FCHSD2: variants seen among roughly 807,000 people sequenced by gnomAD.
The protein encoded by FCHSD2 is FCH and double SH3 domains 2.
In FCHSD2, 38 loss-of-function variants were observed where a neutral mutation model predicts 108.1. That is an observed-to-expected ratio of 0.35 (90% CI 0.27 to 0.46). The LOEUF is 0.46. FCHSD2 is among the 20% of genes least tolerant of loss of function. FCHSD2 has a pLI of 1.00. For synonymous variants in FCHSD2, 279 were observed against 314.7 expected, an observed-to-expected ratio of 0.89 and a Z score of 1.20; for missense variants, 751 against 897.8, an observed-to-expected ratio of 0.84 and a Z score of 2.09.
chr11:72,924,673 A>C (rs1402803241), intron 8 of FCHSD2, among the ~76,000 whole-genome samples: 3 of 149,038 alleles, frequency 2.0e-5, no homozygotes, highest in Non-Finnish European at 4.5e-5. Context: ...TGGCTGTTCC[A>C]TTAAACTTTT....
At chr11:73,025,231 A>G (rs531379271) in intron 3 of FCHSD2, among the ~76,000 whole-genome samples, 1 of 152,362 alleles carries the variant, frequency 6.6e-6, no homozygotes, top group South Asian at 2.1e-4. Context: ...AAGACATGGA[A>G]TCAACCTAAA....
chr11:73,037,751 G>T (rs1428891111), intron 3 of FCHSD2, among the ~76,000 whole-genome samples: 1 of 151,978 alleles, frequency 6.6e-6, no homozygotes, highest in African/African-American at 2.4e-5. Context: ...TTGTCAAATG[G>T]GTTTTACATT....
intron 3 of FCHSD2, among the ~76,000 whole-genome samples, chr11:73,068,823 A>AC (rs1859360651): frequency 6.7e-6 from 1 of 149,944 alleles, no homozygotes; most frequent in African/African-American, 2.4e-5. Flanking sequence ...TAAAAAAAAA[A>AC]AAAAAAAAAG....
intron 10 of FCHSD2, among the ~76,000 whole-genome samples, chr11:72,896,824 T>TTGTTC (rs1456279988): frequency 2.0e-5 from 3 of 151,070 alleles, no homozygotes; most frequent in African/African-American, 7.3e-5. Context: ...GATTTTTGTT[T>TTGTTC]TGTTTTGTTT....
At chr11:72,978,581 C>G (rs1857152157) in intron 8 of FCHSD2, among the ~76,000 whole-genome samples, 1 of 152,092 alleles carries the variant, frequency 6.6e-6, no homozygotes, top group African/African-American at 2.4e-5. Flanking sequence ...CCCCATATAT[C>G]GGGGGAGGGT....
Position 72,867,846 on chromosome 11 carries a change from C to T in FCHSD2, c.1308+19G>A. 1 of 1,602,542 alleles carries T rather than the reference C, an allele frequency of 6.2e-7. No homozygotes were observed. Among genetic ancestry groups the T allele is most frequent in the Non-Finnish European group, 8.5e-7 (1 of 1,173,300 alleles). On this transcript the variant is annotated intron_variant, in intron 13 of 19. Coordinates refer to ENST00000409418, the MANE Select transcript of FCHSD2 (RefSeq NM_014824.3). ...TTCAGTGAAAATCAACTTGTCATATCCAAGAAAAGAAATCGTACCGAGTGT... is the reference window on the plus strand; with the variant it reads ...TTCAGTGAAAATCAACTTGTCATATTCAAGAAAAGAAATCGTACCGAGTGT...
intron 2 of FCHSD2, among the ~76,000 whole-genome samples, chr11:73,132,824 G>GA (rs35412486): frequency 0.73 from 81,295 of 110,962 alleles, 28,598 homozygotes; most frequent in South Asian, 0.84. Flanking sequence ...AACGGTAACA[G>GA]AAAAAAAAAA....
intron 8 of FCHSD2, chr11:72,940,429 A>G: frequency 1.6e-6 from 1 of 613,484 alleles, no homozygotes. Context: ...GGTTAGTATA[A>G]TATGTGGCAA....
intron 8 of FCHSD2, among the ~76,000 whole-genome samples, chr11:72,931,601 C>T (rs987367764): frequency 4.6e-5 from 7 of 151,578 alleles, no homozygotes; most frequent in Non-Finnish European, 8.8e-5. Flanking sequence ...CCCATCTCTA[C>T]TAAAAATACA....
At chr11:72,962,333 G>A (rs1340054211) in intron 8 of FCHSD2, among the ~76,000 whole-genome samples, 1 of 152,208 alleles carries the variant, frequency 6.6e-6, no homozygotes, top group African/African-American at 2.4e-5. Context: ...GGGCATTCTT[G>A]TGTCTCTAAA....
chr11:72,980,691 ATATAT>A (rs1857197393), intron 8 of FCHSD2, among the ~76,000 whole-genome samples: 1 of 148,980 alleles, frequency 6.7e-6, no homozygotes, highest in African/African-American at 2.5e-5. Context: ...ATATATATAT[ATATAT>A]AATGTATGTA....
chr11:73,026,147 T>A (rs1858224732), intron 3 of FCHSD2, among the ~76,000 whole-genome samples: 1 of 152,142 alleles, frequency 6.6e-6, no homozygotes, highest in Admixed American at 6.5e-5. Context: ...CTCATTTTTT[T>A]ATTTTGTTTT....
rs544826330 is a variant in FCHSD2, at chr11:73,111,603, A to C, written c.120-27863T>G. ...TGAAGAGTTTAATCCATTTACATTC[A>C]ATGTTGTTACTGATAAAGACTTACT... On this transcript the variant is annotated intron_variant, in intron 2 of 19. Coordinates refer to ENST00000409418, the MANE Select transcript of FCHSD2 (RefSeq NM_014824.3). 3.3e-5 allele frequency among the ~76,000 whole-genome samples: 5 copies of C among 151,484 alleles called. No homozygotes were observed. The South Asian group carries it at 1.0e-3, about 32-fold the overall frequency.
chr11:73,099,133 C>G (rs1860157189), intron 2 of FCHSD2, among the ~76,000 whole-genome samples: 1 of 152,178 alleles, frequency 6.6e-6, no homozygotes, highest in African/African-American at 2.4e-5. Context: ...GAAGAATCAC[C>G]GAGCCCAGGC....
chr11:73,027,820 C>T (rs1000031260), intron 3 of FCHSD2, among the ~76,000 whole-genome samples: 86 of 152,248 alleles, frequency 5.6e-4, no homozygotes, highest in African/African-American at 2.0e-3. Context: ...CCAGCTGCTC[C>T]AGCTCCAGCC....
intron 9 of FCHSD2, among the ~76,000 whole-genome samples, chr11:72,909,664 G>T (rs995124147): frequency 6.6e-6 from 1 of 150,946 alleles, no homozygotes; most frequent in Non-Finnish European, 1.5e-5. Context: ...TGTCTGGGAA[G>T]TGGGGAGCGC....
intron 8 of FCHSD2, among the ~76,000 whole-genome samples, chr11:72,933,867 T>C (rs919786631): frequency 6.6e-6 from 1 of 152,114 alleles, no homozygotes; most frequent in Non-Finnish European, 1.5e-5. Context: ...TCAACACTTT[T>C]GGAGGCTTAG....
chr11:72,873,943 A>C (rs4944812), intron 12 of FCHSD2, among the ~76,000 whole-genome samples: 151,841 of 152,326 alleles, frequency 1, 75,679 homozygotes, highest in Middle Eastern at 1. Context: ...CCAAAAAAGG[A>C]TACTACCGTG....
intron 8 of FCHSD2, among the ~76,000 whole-genome samples, chr11:72,975,718 TAA>T (rs1289802935): frequency 6.6e-6 from 1 of 152,202 alleles, no homozygotes; most frequent in East Asian, 1.9e-4. Context: ...CTGCAAAAGA[TAA>T]GTCAAATTAT....
Sources: allele counts gnomAD v4.1 joint callset (sites outside exome capture counted in the v4.1 genomes callset), GRCh38; gene constraint gnomAD v4.1.1; transcripts MANE v1.5; gene names NCBI Gene and HGNC (gene_info 2026-07-23, HGNC 2026-07-21).